TUT7: variants seen among roughly 807,000 people sequenced by gnomAD.
TUT7 encodes the protein terminal uridylyltransferase 7.
A neutral mutation model predicts 165.9 loss-of-function variants in TUT7; 33 were observed. The observed-to-expected ratio is 0.20, with a 90% CI of 0.15 to 0.27. The LOEUF is 0.27. TUT7 is among the 10% of genes least tolerant of loss of function. The pLI is 1.00. For synonymous variants in TUT7, 552 were observed against 608.1 expected (o/e 0.91, Z 1.36); for missense variants, 1,338 against 1,762.3 (o/e 0.76, Z 4.31).
chr9:86,300,625 G>C (rs111431022), intron 26 of TUT7, among the ~76,000 whole-genome samples: 1 of 152,166 alleles, frequency 6.6e-6, no homozygotes, highest in African/African-American at 2.4e-5. Flanking sequence ...CACCCATTTA[G>C]CAAAAATGGC....
At chr9:86,308,699 T>C (rs1376289926) in intron 21 of TUT7, 93 bp from the exon 22 acceptor site, 5 of 1,113,816 alleles carry the variant, frequency 4.5e-6, no homozygotes, top group Non-Finnish European at 6.3e-6. Flanking sequence ...TTTGGATTTA[T>C]TTCTAATTAA....
At chr9:86,345,903 T>C (rs958428273) in intron 3 of TUT7, 118 bp from the exon 4 acceptor site, 4 of 747,030 alleles carry the variant, frequency 5.4e-6, no homozygotes, top group African/African-American at 1.8e-5. Context: ...GAGACAGGAG[T>C]CTCACTATGT....
chr9:86,307,439 T>C (rs1349408336), intron 22 of TUT7, among the ~76,000 whole-genome samples: 1 of 152,212 alleles, frequency 6.6e-6, no homozygotes, highest in South Asian at 2.1e-4. Flanking sequence ...TTTACAAAAG[T>C]TCATTGTATT....
intron 26 of TUT7, among the ~76,000 whole-genome samples, chr9:86,297,062 T>C (rs1373617643): frequency 6.6e-6 from 1 of 152,174 alleles, no homozygotes; most frequent in Non-Finnish European, 1.5e-5. Flanking sequence ...TTCCAGTTGC[T>C]CAAAAGATTT....
At position 86,337,497 on chromosome 9, in the gene TUT7, A is replaced by C. The variant is rs1830905156; in HGVS notation, c.1377T>G (p.Pro459=). Residue 459 remains proline, a synonymous_variant, in exon 10 of 27, where the codon CCT becomes CCG. Transcript: ENST00000375963. ...AAATGGCCATCAGGGCAAACACATAAGGTGGCAGACCTCCTTCTTCAGGGC... is the reference window on the plus strand; with the variant it reads ...AAATGGCCATCAGGGCAAACACATACGGTGGCAGACCTCCTTCTTCAGGGC... ...IDRPEEGGLP[P]YVFALMAIFF... is the part of the protein sequence containing the mutation. The C allele has an allele frequency of 6.2e-7, 1 of 1,613,928 alleles. No individual in the cohort carries two copies.
At position 86,323,596 on chromosome 9, in the gene TUT7, A is replaced by G. The variant is rs778955001; in HGVS notation, c.2154T>C (p.Ser718=). Residue 718 remains serine (S), a synonymous_variant, in exon 13 of 27, where the codon AGT becomes AGC. Coordinates refer to ENST00000375963, the MANE Select transcript of TUT7 (RefSeq NM_024617.4). ...TACAGTCTGAGTTTTCAGGGTGGAC[A>G]CTGATGTGTTCATTTCCCATTTCTT... ...PKEEMGNEHI[S]VHPENSDCIQ... The G allele has an allele frequency of 1.1e-5, 17 of 1,614,174 alleles. No individual in the cohort carries two copies. Among genetic ancestry groups the G allele is most frequent in the Non-Finnish European group, 1.4e-5 (17 of 1,180,026 alleles).
intron 6 of TUT7, 33 bp downstream of exon 6, chr9:86,343,042 T>G (rs761644270): frequency 1.5e-6 from 2 of 1,358,208 alleles, no homozygotes; most frequent in South Asian, 2.5e-5. Flanking sequence ...TCCATACCAC[T>G]CTGAAAGTGC....
intron 2 of TUT7, among the ~76,000 whole-genome samples, chr9:86,350,427 C>G (rs1025742166): frequency 6.6e-6 from 1 of 152,234 alleles, no homozygotes; most frequent in African/African-American, 2.4e-5. Flanking sequence ...CCCACCTGGA[C>G]AGTAATACAG....
chr9:86,318,411 C>G lies in TUT7; in HGVS notation c.3216+547G>C, dbSNP rs79371816. ...AACAGGCAGTGGGGGGCTGAATTGC[C>G]CAAGGGCCATCGTTTGCTAACTCCT... On this transcript the variant is annotated intron_variant, in intron 16 of 26. Transcript: ENST00000375963. 1.9e-3 allele frequency among the ~76,000 whole-genome samples: 282 copies of G among 152,236 alleles called. 2 individuals are homozygous for G. Among genetic ancestry groups the G allele is most frequent in the African/African-American group, 6.7e-3 (280 of 41,538 alleles).
intron 10 of TUT7, among the ~76,000 whole-genome samples, chr9:86,331,745 T>A (rs1246835124): frequency 1.3e-5 from 2 of 152,234 alleles, no homozygotes; most frequent in Non-Finnish European, 2.9e-5. Context: ...ATAGTCTTGC[T>A]TTTAAAATTC....
intron 26 of TUT7, chr9:86,298,947 G>T (rs934180545): frequency 5.6e-6 from 2 of 356,628 alleles, no homozygotes; most frequent in East Asian, 1.7e-4. Flanking sequence ...GCAGAATTTT[G>T]CAAGTTAACT....
chr9:86,329,400 G>GT (rs1260191578), intron 10 of TUT7, among the ~76,000 whole-genome samples: 1 of 151,980 alleles, frequency 6.6e-6, no homozygotes, highest in African/African-American at 2.4e-5. Context: ...GCGCATGCCT[G>GT]TAATTCCAGC....
intron 26 of TUT7, chr9:86,298,758 C>G (rs775484360): frequency 1.8e-4 from 179 of 983,324 alleles, no homozygotes; most frequent in Non-Finnish European, 2.1e-4. Context: ...TTTTTTAAAA[C>G]CCACATACCT....
Position 86,289,941 on chromosome 9 carries a change from A to C in TUT7, c.4421-1197T>G, listed in dbSNP as rs546373716. 2.6e-5 allele frequency among the ~76,000 whole-genome samples: 4 copies of C among 152,292 alleles called. No individual in the cohort carries two copies. In the South Asian group the frequency reaches 6.2e-4, roughly 24 times the overall value. ...TATGAGGAACTATGCACATAATAGA[A>C]TATTAGGTATACACAGAAGGATAAT... is the stretch of plus-strand genomic sequence containing the variant. On this transcript the variant is annotated intron_variant, in intron 26 of 26. Transcript: ENST00000375963.
intron 2 of TUT7, among the ~76,000 whole-genome samples, chr9:86,348,082 T>G (rs1831931692): frequency 6.6e-6 from 1 of 152,212 alleles, no homozygotes; most frequent in Non-Finnish European, 1.5e-5. Context: ...AGCCAGTAAG[T>G]GATAGGGAAC....
At chr9:86,333,112 T>C (rs1208982116) in intron 10 of TUT7, among the ~76,000 whole-genome samples, 1 of 152,202 alleles carries the variant, frequency 6.6e-6, no homozygotes, top group Non-Finnish European at 1.5e-5. Context: ...ATCATTTATT[T>C]TACTCCAAAA....
At position 86,334,319 on chromosome 9, in the gene TUT7, C is replaced by CA. The variant is rs1564082036; in HGVS notation, c.1455+3099dup. Among the ~76,000 whole-genome samples the CA allele has an allele frequency of 6.6e-5, 10 of 152,298 alleles. No homozygotes were observed. In the South Asian group the frequency reaches 2.1e-3, roughly 32 times the overall value. Reference sequence around the variant, plus strand: ...GAGATTTTTCTCAGGTCTTTACCCTCAGAGCTTAGTGGGATTCCTGGAGGT... The same window carrying CA: ...GAGATTTTTCTCAGGTCTTTACCCTCAAGAGCTTAGTGGGATTCCTGGAGGT... On this transcript the variant is annotated intron_variant, in intron 10 of 26. Coordinates refer to ENST00000375963, the MANE Select transcript of TUT7 (RefSeq NM_024617.4).
chr9:86,348,951 G>C (rs534005110), intron 2 of TUT7, among the ~76,000 whole-genome samples: 1 of 152,124 alleles, frequency 6.6e-6, no homozygotes, highest in Non-Finnish European at 1.5e-5. Context: ...AAATCTCACC[G>C]GAGGGACTCT....
intron 14 of TUT7, 71 bp from the exon 15 acceptor site, chr9:86,319,741 T>C (rs1441080724): frequency 3.8e-6 from 4 of 1,051,818 alleles, no homozygotes; most frequent in Non-Finnish European, 5.5e-6. Flanking sequence ...TGAAAAAAAT[T>C]TATTTTTTAG....
Sources: allele counts gnomAD v4.1 joint callset (sites outside exome capture counted in the v4.1 genomes callset), GRCh38; gene constraint gnomAD v4.1.1; transcripts MANE v1.5; gene names NCBI Gene and HGNC (gene_info 2026-07-23, HGNC 2026-07-21).